The following XYLT1 variants were observed in gnomAD, a reference collection of about 807,000 sequenced individuals.
XYLT1 encodes beta-D-xylosyltransferase 1.
Under a neutral mutation model 91.3 loss-of-function variants are expected in XYLT1, and 36 were observed. The ratio of observed to expected loss-of-function variants is 0.39; its 90% CI spans 0.30 to 0.52. The LOEUF (loss-of-function observed/expected upper bound fraction) is 0.52, where lower values mean the gene tolerates loss of function less well. XYLT1 is among the 20% of genes least tolerant of loss of function. The probability of loss-of-function intolerance (pLI) is 0.68; values close to 1 mark genes in which losing one functional copy is unlikely to be tolerated. For synonymous variants in XYLT1, 588 were observed against 532.0 expected (o/e 1.11, Z -1.45); for missense variants, 1,242 against 1,284.5 (o/e 0.97, Z 0.51).
intron 6 of XYLT1, among the ~76,000 whole-genome samples, chr16:17,150,707 AC>A (rs1296136721): frequency 2.0e-5 from 3 of 152,210 alleles, no homozygotes; most frequent in African/African-American, 4.8e-5. Flanking sequence ...CACTCTAGCC[AC>A]AAGGTTCTAA....
intron 2 of XYLT1, among the ~76,000 whole-genome samples, chr16:17,340,577 G>C (rs961880649): frequency 6.6e-6 from 1 of 152,202 alleles, no homozygotes; most frequent in African/African-American, 2.4e-5. Flanking sequence ...GTTCTGCGTA[G>C]GTCCAAAGAC....
chr16:17,329,399 G>A (rs186453557), intron 2 of XYLT1, among the ~76,000 whole-genome samples: 1 of 152,324 alleles, frequency 6.6e-6, no homozygotes, highest in East Asian at 1.9e-4. Flanking sequence ...GGAAAACATA[G>A]TAGATATTTG....
intron 3 of XYLT1, among the ~76,000 whole-genome samples, chr16:17,234,172 G>A (rs1189433290): frequency 1.3e-5 from 2 of 152,134 alleles, no homozygotes; most frequent in Non-Finnish European, 2.9e-5. Flanking sequence ...ACCTTAGACT[G>A]GAGGGATGAA....
At chr16:17,272,701 G>A (rs999857556) in intron 2 of XYLT1, among the ~76,000 whole-genome samples, 18 of 152,154 alleles carry the variant, frequency 1.2e-4, no homozygotes, top group African/African-American at 2.7e-4. Flanking sequence ...GCTAAGTAGC[G>A]GTCCCATGGT....
At chr16:17,263,135 TC>T (rs1016996897) in intron 2 of XYLT1, among the ~76,000 whole-genome samples, 3 of 152,160 alleles carry the variant, frequency 2.0e-5, no homozygotes, top group African/African-American at 7.2e-5. Flanking sequence ...GGGGCCCTTC[TC>T]TTTCCTTGTT....
chr16:17,383,754 T>A (rs2035712736), intron 1 of XYLT1, among the ~76,000 whole-genome samples: 1 of 148,266 alleles, frequency 6.7e-6, no homozygotes, highest in Admixed American at 6.8e-5. Context: ...GGAATTTTCT[T>A]TTTTTTTTTT....
chr16:17,161,368 A>C (rs964039929), intron 5 of XYLT1, among the ~76,000 whole-genome samples: 3 of 152,162 alleles, frequency 2.0e-5, no homozygotes, highest in Non-Finnish European at 4.4e-5. Flanking sequence ...TTTCAAAGCC[A>C]AGCGCTGTGT....
intron 11 of XYLT1, among the ~76,000 whole-genome samples, chr16:17,109,542 G>A (rs1235476738): frequency 1.3e-5 from 2 of 152,040 alleles, no homozygotes; most frequent in Non-Finnish European, 2.9e-5. Flanking sequence ...TGTCATGAAG[G>A]CAAAAAAACA....
intron 5 of XYLT1, among the ~76,000 whole-genome samples, chr16:17,179,427 T>C (rs780771284): frequency 2.6e-5 from 4 of 152,230 alleles, no homozygotes; most frequent in Non-Finnish European, 5.9e-5. Flanking sequence ...ACTCTCTTTT[T>C]TGGGTCATTC....
At chr16:17,270,841 A>T (rs899305768) in intron 2 of XYLT1, among the ~76,000 whole-genome samples, 1 of 152,184 alleles carries the variant, frequency 6.6e-6, no homozygotes, top group Non-Finnish European at 1.5e-5. Flanking sequence ...AGAGTTGTGT[A>T]GCTATGACAG....
At chr16:17,137,133 T>TACGA (rs1403291421) in intron 8 of XYLT1, among the ~76,000 whole-genome samples, 12 of 151,988 alleles carry the variant, frequency 7.9e-5, no homozygotes, top group African/African-American at 1.9e-4. Flanking sequence ...TTAAGGGGAA[T>TACGA]ACGAACGACA....
intron 2 of XYLT1, among the ~76,000 whole-genome samples, chr16:17,271,685 A>C (rs2033897392): frequency 6.6e-6 from 1 of 152,154 alleles, no homozygotes; most frequent in Non-Finnish European, 1.5e-5. Flanking sequence ...CCCTTGTTAC[A>C]ACCAAAAATG....
intron 2 of XYLT1, 44 bp from the exon 3 acceptor site, chr16:17,259,542 G>A (rs1481547465): frequency 1.8e-5 from 29 of 1,587,866 alleles, no homozygotes; most frequent in Non-Finnish European, 2.3e-5. Flanking sequence ...TTGACTGAGA[G>A]ATCATGCTAA....
chr16:17,126,650 A>C (rs541783628), intron 10 of XYLT1, among the ~76,000 whole-genome samples: 4 of 152,204 alleles, frequency 2.6e-5, no homozygotes. Context: ...ATAGTCTACA[A>C]TCAGACTCTT....
At chr16:17,427,118 A>G (rs1041847749) in intron 1 of XYLT1, among the ~76,000 whole-genome samples, 1 of 152,214 alleles carries the variant, frequency 6.6e-6, no homozygotes, top group African/African-American at 2.4e-5. Context: ...AACACTCATG[A>G]ATAATTCTGA....
chr16:17,238,684 C>T (rs549302619), intron 3 of XYLT1, among the ~76,000 whole-genome samples: 7 of 152,238 alleles, frequency 4.6e-5, no homozygotes, highest in Non-Finnish European at 8.8e-5. Context: ...AGCATCTATG[C>T]TTCTTATTGC....
In XYLT1 at chr16:17,464,139, T is replaced by C. The variant is rs112751793; in HGVS notation, c.363+6295A>G. Among the ~76,000 whole-genome samples, 645 of 151,260 alleles carry C rather than the reference T, an allele frequency of 4.3e-3. 4 individuals carry two copies. Among genetic ancestry groups the C allele is most frequent in the African/African-American group, 0.015 (626 of 40,614 alleles). On this transcript the variant is annotated intron_variant, in intron 1 of 11. Transcript: ENST00000261381. ...GTTAGATAGAAGGAATAAGCTCTAG[T>C]GTTTGGTAGTCCAGTAGGGTGATTA...
chr16:17,357,561 C>T (rs1374175735), intron 2 of XYLT1, among the ~76,000 whole-genome samples: 9 of 152,200 alleles, frequency 5.9e-5, no homozygotes, highest in Admixed American at 3.3e-4. Flanking sequence ...TGGCCTAACA[C>T]GCAAGCAGAT....
intron 2 of XYLT1, among the ~76,000 whole-genome samples, chr16:17,319,990 A>G (rs988639454): frequency 1.3e-5 from 2 of 152,140 alleles, no homozygotes; most frequent in African/African-American, 4.8e-5. Context: ...CTTTCTGCCC[A>G]GAACAGCCTT....
Sources: allele counts gnomAD v4.1 joint callset (sites outside exome capture counted in the v4.1 genomes callset), GRCh38; gene constraint gnomAD v4.1.1; transcripts MANE v1.5; gene names NCBI Gene and HGNC (gene_info 2026-07-23, HGNC 2026-07-21).